The following MTSS1 variants were observed in gnomAD, a reference collection of about 807,000 sequenced individuals.
MTSS1 encodes MTSS I-BAR domain containing 1.
In MTSS1, 18 loss-of-function variants were observed where a neutral mutation model predicts 79.0. The observed-to-expected ratio is 0.23, with a 90% CI of 0.16 to 0.34. The LOEUF (loss-of-function observed/expected upper bound fraction) is 0.34, where lower values mean the gene tolerates loss of function less well. MTSS1 is among the 10% of genes least tolerant of loss of function. The pLI is 1.00. For missense variants in MTSS1, 815 were observed against 986.2 expected (o/e 0.83, Z 2.33); for synonymous variants, 341 against 368.6 (o/e 0.93, Z 0.86).
intron 3 of MTSS1, among the ~76,000 whole-genome samples, chr8:124,628,302 G>C (rs1487623292): frequency 6.6e-6 from 1 of 152,180 alleles, no homozygotes; most frequent in Non-Finnish European, 1.5e-5. Context: ...CAAGACATCA[G>C]CCGCGTCAGT....
chr8:124,553,389 G>A lies in MTSS1; in HGVS notation c.1871C>T (p.Pro624Leu). 6.2e-7 allele frequency: 1 copy of A among 1,609,068 alleles called. No individual in the cohort carries two copies. Among genetic ancestry groups the A allele is most frequent in the Non-Finnish European group, 8.5e-7 (1 of 1,176,286 alleles). ...GGCTGGCAACACCCCTGGGAGGTCTGGGACGGTTGGGGTCTTGACAGGGAT... is the reference window on the plus strand; with the variant it reads ...GGCTGGCAACACCCCTGGGAGGTCTAGGACGGTTGGGGTCTTGACAGGGAT... ...PVIPVKTPTV[P>L]DLPGVLPAPP... The change falls in exon 14 of 14, where the codon CCA becomes CTA. Residue 624 changes from proline to leucine, a missense_variant. Transcript: ENST00000518547. This position sits in a 1 kb window ranked among gnomAD's most constrained non-coding sequence, Gnocchi z 6.0.
chr8:124,697,046 G>A (rs1828954790), intron 3 of MTSS1, among the ~76,000 whole-genome samples: 1 of 152,050 alleles, frequency 6.6e-6, no homozygotes, highest in Admixed American at 6.5e-5. Flanking sequence ...AGGCCCTGCA[G>A]TGTCCCGCCA....
In MTSS1 at chr8:124,553,313, A is replaced by G. The variant is rs1822871630; in HGVS notation, c.1947T>C (p.Ser649=). The change falls in exon 14 of 14, where the codon TCT becomes TCC. Residue 649 remains serine (S), a synonymous_variant. Coordinates refer to ENST00000518547, the MANE Select transcript of MTSS1 (RefSeq NM_014751.6). The surrounding 1 kb of genome is among the most constrained non-coding windows in gnomAD (Gnocchi z 6.0). ...ERGEHSPESP[S]VGEGPQGVTS... is the part of the protein sequence containing the mutation. ...TGACACCTTGGGGGCCCTCACCCAC[A>G]GATGGCGACTCAGGGCTGTGCTCCC... The G allele has an allele frequency of 6.2e-7, 1 of 1,614,128 alleles. No individual in the cohort carries two copies. The highest frequency in any genetic ancestry group is 8.5e-7 in the Non-Finnish European group (1 of 1,179,992).
At chr8:124,580,629 G>T (rs1027405355) in intron 6 of MTSS1, 60 of 1,504,446 alleles carry the variant, frequency 4.0e-5, no homozygotes, top group Non-Finnish European at 5.2e-5. Context: ...AAATAATAAA[G>T]TCAAACTGGT....
chr8:124,573,640 T>C (rs1828332885), intron 6 of MTSS1, among the ~76,000 whole-genome samples: 1 of 152,222 alleles, frequency 6.6e-6, no homozygotes, highest in South Asian at 2.1e-4. Context: ...ATCATTCCCT[T>C]AAATGGCCTA....
intron 3 of MTSS1, among the ~76,000 whole-genome samples, chr8:124,634,519 C>G (rs1276608054): frequency 6.6e-6 from 1 of 152,016 alleles, no homozygotes; most frequent in Non-Finnish European, 1.5e-5. Context: ...CTTCTTCATC[C>G]TCTCAAACCA....
intron 3 of MTSS1, 26 bp downstream of exon 3, chr8:124,699,500 C>T (rs1829388792): frequency 1.2e-6 from 2 of 1,611,328 alleles, no homozygotes; most frequent in Non-Finnish European, 1.7e-6. Context: ...GCAGTTAACA[C>T]TGGGAGTCAG....
At chr8:124,662,973 G>C (rs979172025) in intron 3 of MTSS1, among the ~76,000 whole-genome samples, 3 of 152,078 alleles carry the variant, frequency 2.0e-5, no homozygotes, top group Non-Finnish European at 2.9e-5. Context: ...GTTTTCTCCA[G>C]GTAACCAAGG....
intron 6 of MTSS1, among the ~76,000 whole-genome samples, chr8:124,573,666 C>T (rs1828338917): frequency 6.6e-6 from 1 of 152,230 alleles, no homozygotes; most frequent in Admixed American, 6.5e-5. Flanking sequence ...TCAGAACCAC[C>T]CAATTCCAGG....
intron 3 of MTSS1, among the ~76,000 whole-genome samples, chr8:124,644,929 G>C (rs1025418033): frequency 8.5e-5 from 13 of 152,220 alleles, no homozygotes; most frequent in African/African-American, 2.7e-4. Flanking sequence ...AATTAGGTAT[G>C]TCATACACAG....
intron 1 of MTSS1, among the ~76,000 whole-genome samples, chr8:124,718,550 A>G (rs1266991095): frequency 2.6e-5 from 4 of 152,140 alleles, no homozygotes; most frequent in African/African-American, 4.8e-5. Flanking sequence ...TTCAGTAAAC[A>G]GCCACTTCAA....
chr8:124,668,437 G>A (rs561099909), intron 3 of MTSS1, among the ~76,000 whole-genome samples: 6 of 152,234 alleles, frequency 3.9e-5, no homozygotes, highest in South Asian at 2.1e-4. Context: ...TCCTAGCTCC[G>A]TTTGAAAACC....
At chr8:124,609,544 T>C (rs141193623) in intron 3 of MTSS1, among the ~76,000 whole-genome samples, 6 of 152,250 alleles carry the variant, frequency 3.9e-5, no homozygotes, top group African/African-American at 1.4e-4. Context: ...TGCAGAGGAT[T>C]AGAAGTGGTT....
intron 3 of MTSS1, among the ~76,000 whole-genome samples, chr8:124,693,590 C>G (rs1283694132): frequency 6.6e-6 from 1 of 152,212 alleles, no homozygotes; most frequent in Admixed American, 6.5e-5. Context: ...TCCAGACTCA[C>G]TGATTAAAGC....
Position 124,689,001 on chromosome 8 carries a change from T to C in MTSS1, c.208+10525A>G, listed in dbSNP as rs150301877. 2.3e-3 allele frequency among the ~76,000 whole-genome samples: 343 copies of C among 151,896 alleles called. 1 individual carries two copies. Among genetic ancestry groups the C allele is most frequent in the African/African-American group, 8.0e-3 (331 of 41,406 alleles). ...GATAGTTCCTTTAAAAAAAAAAACT[T>C]CCAAGTAGTTCTCACTTTAAGCTTT... On this transcript the variant is annotated intron_variant, in intron 3 of 13. Coordinates refer to ENST00000518547, the MANE Select transcript of MTSS1 (RefSeq NM_014751.6).
intron 9 of MTSS1, chr8:124,564,687 T>TACACACACACACACACACACACACA (rs1554639346): frequency 2.1e-5 from 1 of 47,352 alleles, no homozygotes; most frequent in African/African-American, 6.1e-5. Flanking sequence ...GGTCTCTCTT[T>TACACACACACACACACACACACACA]CACTCACACA....
intron 3 of MTSS1, among the ~76,000 whole-genome samples, chr8:124,616,019 C>A (rs1345585601): frequency 6.6e-6 from 1 of 152,056 alleles, no homozygotes; most frequent in Non-Finnish European, 1.5e-5. Flanking sequence ...TTCCCTTTGC[C>A]ACCATCAGTG....
chr8:124,668,904 C>A (rs1823616275), intron 3 of MTSS1, among the ~76,000 whole-genome samples: 1 of 152,222 alleles, frequency 6.6e-6, no homozygotes, highest in South Asian at 2.1e-4. Flanking sequence ...CTTTCCCACA[C>A]ATTAGTTTAC....
At chr8:124,703,314 T>G (rs1266488211) in intron 2 of MTSS1, among the ~76,000 whole-genome samples, 1 of 152,182 alleles carries the variant, frequency 6.6e-6, no homozygotes, top group Non-Finnish European at 1.5e-5. Context: ...TCTTTTGAGG[T>G]GGACTCTTGC....
Sources: allele counts gnomAD v4.1 joint callset (sites outside exome capture counted in the v4.1 genomes callset), GRCh38; gene constraint gnomAD v4.1.1; non-coding constraint Gnocchi (gnomAD v3.1); transcripts MANE v1.5; gene names NCBI Gene and HGNC (gene_info 2026-07-23, HGNC 2026-07-21).